PTX4: variants seen among roughly 807,000 people sequenced by gnomAD.
PTX4 encodes the protein pentraxin-4.
In PTX4, 23 loss-of-function variants were observed where a neutral mutation model predicts 19.1. The ratio of observed to expected loss-of-function variants is 1.20; its 90% CI spans 0.87 to 1.70. PTX4 has a LOEUF of 1.70. Ranked by LOEUF, PTX4 falls within the 40% of genes most tolerant of loss-of-function variation. The pLI is 0.00. For missense variants in PTX4, 678 were observed against 610.5 expected (o/e 1.11, Z -1.17); for synonymous variants, 317 against 279.6 (o/e 1.13, Z -1.33).
intron 1 of PTX4, chr16:1,488,276 C>T (rs2142425369): frequency 1.3e-6 from 2 of 1,579,594 alleles, no homozygotes; most frequent in Non-Finnish European, 1.7e-6. Flanking sequence ...ATTCCAGCTC[C>T]TGCCTGTGAG....
Position 1,486,300 on chromosome 16 carries a change from T to C in PTX4, c.1076A>G (p.Gln359Arg), listed in dbSNP as rs756196608. 3 of 1,613,716 alleles carry C rather than the reference T, an allele frequency of 1.9e-6. No homozygotes were observed. In the South Asian group the frequency reaches 3.3e-5, roughly 18 times the overall value. ...CCAGATGACACAGATGTGGTGCCAC[T>C]GGCCGTCCAGCAGCAGCTGCAAGGG... is the stretch of plus-strand genomic sequence containing the variant. ...ELPLQLLLDG[Q>R]WHHICVIWTS... Residue 359 changes from glutamine (Q) to arginine (R), a missense_variant, in exon 3 of 3, where the codon CAG (glutamine) becomes CGG (arginine). Coordinates refer to ENST00000447419, the MANE Select transcript of PTX4 (RefSeq NM_001328608.2).
Position 1,486,233 on chromosome 16 carries a change from C to T in PTX4, c.1143G>A (p.Arg381=), listed in dbSNP as rs1199515332. The T allele has an allele frequency of 1.2e-6, 2 of 1,612,372 alleles. No individual in the cohort carries two copies. The highest frequency in any genetic ancestry group is 2.2e-5 in the East Asian group (1 of 44,836). ...TGAAGCGGGAGCCGGTGGCCACCAG[C>T]CTGCGATCCACGTGGAGCCAGTACC... ...QGRYWLHVDR[R]LVATGSRFRE... The change falls in exon 3 of 3, where the codon AGG becomes AGA. Residue 381 remains arginine (R), a synonymous_variant. Coordinates refer to ENST00000447419, the MANE Select transcript of PTX4 (RefSeq NM_001328608.2).
Position 1,487,707 on chromosome 16 carries a change from C to G in PTX4, c.405G>C (p.Gln135His). ...TGTGTGCCTTCCTTTCCCGGGCCCG[C>G]TGCTGGCTCCTCTCGCCCAGGGTGA... ...LDLTLGERSQQRARERKAHKA... is the reference protein window; with the variant it reads ...LDLTLGERSQHRARERKAHKA... Residue 135 changes from glutamine to histidine, a missense_variant, in exon 2 of 3, where the codon CAG becomes CAC. By Grantham distance (24) the Gln-to-His change is conservative. Coordinates refer to ENST00000447419, the MANE Select transcript of PTX4 (RefSeq NM_001328608.2). The G allele has an allele frequency of 6.2e-7, 1 of 1,611,690 alleles. No homozygotes were observed. The highest frequency in any genetic ancestry group is 8.5e-7 in the Non-Finnish European group (1 of 1,178,926).
rs150414885 is a variant in PTX4, at chr16:1,488,378, C to A, written c.141+391G>T. On this transcript the variant is annotated intron_variant, in intron 1 of 2. Transcript: ENST00000447419. ...CCGACAGGCCCACAGCACTCCGGAA[C>A]TGTCCGTGGACCCCGCGTGGGAGTC... 3.3e-5 allele frequency: 54 copies of A among 1,613,832 alleles called. No individual in the cohort carries two copies. In the African/African-American group the frequency reaches 4.1e-4, roughly 12 times the overall value.
chr16:1,486,399 A>G lies in PTX4; in HGVS notation c.977T>C (p.Val326Ala), dbSNP rs766903834. Residue 326 changes from valine to alanine, a missense_variant, in exon 3 of 3, where the codon GTG (valine) becomes GCG (alanine). Coordinates refer to ENST00000447419, the MANE Select transcript of PTX4 (RefSeq NM_001328608.2). ...CAGCAGGGAGTCTCGGCCGTGCAGCACCAGCTTGTTGTCATTGTCCTCGGT... is the reference window on the plus strand; with the variant it reads ...CAGCAGGGAGTCTCGGCCGTGCAGCGCCAGCTTGTTGTCATTGTCCTCGGT... ...YATEDNDNKL[V>A]LHGRDSLLPG... 1 of 1,613,990 alleles carries G rather than the reference A, an allele frequency of 6.2e-7. No individual in the cohort carries two copies. The highest frequency in any genetic ancestry group is 1.1e-5 in the South Asian group (1 of 91,080).
Position 1,486,451 on chromosome 16 carries a change from G to A in PTX4, c.925C>T (p.Arg309Cys), listed in dbSNP as rs201571366. The A allele has an allele frequency of 2.3e-4, 375 of 1,613,696 alleles. 2 individuals are homozygous for A. Among genetic ancestry groups the A allele is most frequent in the Admixed American group, 7.8e-4 (47 of 59,976 alleles). The change falls in exon 3 of 3, where the codon CGC becomes TGC. Residue 309 changes from arginine to cysteine, a missense_variant. By Grantham distance (180) the Arg-to-Cys change is radical (BLOSUM62 -3). Transcript: ENST00000447419. ...FCSWVRTASG[R>C]LGTLLSYATE... ...GCGTAGGACAGGAGGGTGCCCAGGC[G>A]GCCGGAGGCCGTGCGGACCCAGCTG... is the stretch of plus-strand genomic sequence containing the variant.
rs779415629 is a variant in PTX4, at chr16:1,487,472, G to A, written c.640C>T (p.Arg214Ter). Residue 214 changes from arginine (R) to a stop codon, truncating the protein, a stop_gained, in exon 2 of 3, where the codon CGA (arginine) becomes TGA (stop). Transcript: ENST00000447419. LOFTEE classifies it high-confidence loss of function. Reference sequence around the variant, plus strand: ...GGGCCCCTGTGCTCAGAGGCAGCTCGGAGCTCCTGCCTGTCCCTCTGAAGC... The same window carrying A: ...GGGCCCCTGTGCTCAGAGGCAGCTCAGAGCTCCTGCCTGTCCCTCTGAAGC... ...LKLQRDRQEL[R>*]AASEHRGPPQ... 14 of 1,508,246 alleles carry A rather than the reference G, an allele frequency of 9.3e-6. No individual in the cohort carries two copies. Among genetic ancestry groups the A allele is most frequent in the Middle Eastern group, 1.9e-4 (1 of 5,186 alleles). The allele number at this position is 1,508,246 out of a possible 1,614,324, so 93.4% of individuals were successfully genotyped here.
At position 1,486,564 on chromosome 16, in the gene PTX4, G is replaced by C; in HGVS notation, c.812C>G (p.Pro271Arg). The change falls in exon 3 of 3, where the codon CCC (proline) becomes CGC (arginine). Residue 271 changes from proline (P) to arginine (R), a missense_variant. Coordinates refer to ENST00000447419, the MANE Select transcript of PTX4 (RefSeq NM_001328608.2). ...GGAGGCGTTTGGGAAAACGAGGGTG[G>C]GGCCCACGCCGCAAACTAGAAACAG... ...QVPGEICGVG[P>R]TLVFPNASTR... 1 of 1,550,182 alleles carries C rather than the reference G, an allele frequency of 6.5e-7. No individual in the cohort carries two copies. The highest frequency in any genetic ancestry group is 8.7e-7 in the Non-Finnish European group (1 of 1,150,270).
In PTX4 at chr16:1,486,062, T is replaced by A. The variant is rs2039240278; in HGVS notation, c.1314A>T (p.Glu438Asp). 6.2e-7 allele frequency: 1 copy of A among 1,614,088 alleles called. No homozygotes were observed. The highest frequency in any genetic ancestry group is 1.1e-5 in the South Asian group (1 of 91,094). ...CTTTCCCGATGGCAAGGTTTGCAAC[T>A]TCCCCGGGAACCAGCGCCCGATCCC... ...AIWDRALVPGEVANLAIGKEF... is the reference protein window; with the variant it reads ...AIWDRALVPGDVANLAIGKEF... Residue 438 changes from glutamate (E) to aspartate (D), a missense_variant, in exon 3 of 3, where the codon GAA (glutamate) becomes GAT (aspartate). Transcript: ENST00000447419.
At position 1,487,890 on chromosome 16, in the gene PTX4, G is replaced by A; in HGVS notation, c.222C>T (p.Val74=). ...TCTCTTCCGCCAGGCTCCGGAACCG[G>A]ACGTCAACGTTGTAGGACACGTTGT... is the stretch of plus-strand genomic sequence containing the variant. The part of the protein sequence containing the change: ...SNYNVSYNVD[V]RFRSLAEESQ... The change falls in exon 2 of 3, where the codon GTC becomes GTT. Residue 74 remains valine, a synonymous_variant. Coordinates refer to ENST00000447419, the MANE Select transcript of PTX4 (RefSeq NM_001328608.2). 1.2e-6 allele frequency: 2 copies of A among 1,612,874 alleles called. No homozygotes were observed. The highest frequency in any genetic ancestry group is 1.7e-6 in the Non-Finnish European group (2 of 1,179,864).
At position 1,487,632 on chromosome 16, in the gene PTX4, G is replaced by A. The variant is rs766165220; in HGVS notation, c.480C>T (p.Leu160=). The A allele has an allele frequency of 3.2e-6, 5 of 1,579,510 alleles. No individual in the cohort carries two copies. Among genetic ancestry groups the A allele is most frequent in the African/African-American group, 1.3e-5 (1 of 74,316 alleles). Residue 160 remains leucine, a synonymous_variant, in exon 2 of 3, where the codon CTC becomes CTT. Coordinates refer to ENST00000447419, the MANE Select transcript of PTX4 (RefSeq NM_001328608.2). ...LQDSLARLEG[L]VHSQGARLAA... The stretch of plus-strand genomic sequence containing the variant: ...CCAGCCTGGCGCCCTGGCTGTGGAC[G>A]AGGCCCTCCAGGCGTGCCAGTGAGT...
chr16:1,488,095 A>G, intron 1 of PTX4, 125 bp from the exon 2 acceptor site: 1 of 1,098,650 alleles, frequency 9.1e-7, no homozygotes, highest in South Asian at 1.5e-5. Context: ...AGCACTGGCT[A>G]TCTGCCCACC....
In PTX4 at chr16:1,488,865, A is replaced by T. The variant is rs1303235603; in HGVS notation, c.45T>A (p.Phe15Leu). ...WRKTLSFFLV[F>L]VPIYLHGASS... ...AAGCCCCATGTAGATATATAGGCAC[A>T]AAAACAAGGAAGAAAGACAAGGTCT... Residue 15 changes from phenylalanine to leucine, a missense_variant, in exon 1 of 3, where the codon TTT becomes TTA. Coordinates refer to ENST00000447419, the MANE Select transcript of PTX4 (RefSeq NM_001328608.2). 4.3e-6 allele frequency: 3 copies of T among 701,788 alleles called. No individual in the cohort carries two copies. The East Asian group carries it at 8.1e-5, about 19-fold the overall frequency. 43.5% of individuals were successfully genotyped at this position (701,788 alleles called of 1,614,324 possible). A position where few individuals can be genotyped will look rare whatever the true frequency, so the allele number is the denominator to read the frequency against.
chr16:1,485,980 C>A lies in PTX4; in HGVS notation c.1396G>T (p.Val466Leu). Residue 466 changes from valine (V) to leucine (L), a missense_variant, in exon 3 of 3, where the codon GTG becomes TTG. Coordinates refer to ENST00000447419, the MANE Select transcript of PTX4 (RefSeq NM_001328608.2). ...AGGCAGGTGCAGTTGGCCCCCTGCA[C>A]AAATCCGCCTGCTAGTGCAGCATTG... Reference protein sequence around the residue: ...LANAALAGGFVQGANCTCLER... With the variant: ...LANAALAGGFLQGANCTCLER... 2 of 1,611,922 alleles carry A rather than the reference C, an allele frequency of 1.2e-6. No individual in the cohort carries two copies. The highest frequency in any genetic ancestry group is 1.1e-5 in the South Asian group (1 of 91,078).
Position 1,486,519 on chromosome 16 carries a change from A to T in PTX4, c.857T>A (p.Leu286His), listed in dbSNP as rs1469084364. Reference protein sequence around the residue: ...PNASTRNVVFLSPGFVTALRA... With the variant: ...PNASTRNVVFHSPGFVTALRA... ...CAGGGCAGTGACGAAACCAGGGCTG[A>T]GGAAGACCACGTTCCTGGTGGAGGC... The change falls in exon 3 of 3, where the codon CTC becomes CAC. Residue 286 changes from leucine to histidine, a missense_variant. Transcript: ENST00000447419. The T allele has an allele frequency of 2.5e-6, 4 of 1,592,072 alleles. No individual in the cohort carries two copies. The South Asian group carries it at 4.5e-5, about 18-fold the overall frequency.
At chr16:1,488,422 G>A (rs1255432195) in intron 1 of PTX4, 3 of 1,613,828 alleles carry the variant, frequency 1.9e-6, no homozygotes, top group Admixed American at 1.7e-5. Flanking sequence ...CGTTCACACC[G>A]ACTGCCACAA....
In PTX4 at chr16:1,486,465, C is replaced by A. The variant is rs61751878; in HGVS notation, c.911G>T (p.Arg304Leu). 1 of 1,613,294 alleles carries A rather than the reference C, an allele frequency of 6.2e-7. No individual in the cohort carries two copies. Among genetic ancestry groups the A allele is most frequent in the Non-Finnish European group, 8.5e-7 (1 of 1,179,680 alleles). ...GGTGCCCAGGCGGCCGGAGGCCGTG[C>A]GGACCCAGCTGCAGAAGGACAGGGC... ...LRALSFCSWV[R>L]TASGRLGTLL... is the part of the protein sequence containing the mutation. Residue 304 changes from arginine to leucine, a missense_variant, in exon 3 of 3, where the codon CGC (arginine) becomes CTC (leucine). Physicochemically the swap from Arg to Leu is moderately radical, Grantham distance 102. Coordinates refer to ENST00000447419, the MANE Select transcript of PTX4 (RefSeq NM_001328608.2).
Position 1,487,773 on chromosome 16 carries a change from G to C in PTX4, c.339C>G (p.Arg113=). Residue 113 remains arginine, a synonymous_variant, in exon 2 of 3, where the codon CGC becomes CGG. Transcript: ENST00000447419. ...QLKAWVRKLQ[R]RGRKVDTRLR... is the part of the protein sequence containing the mutation. ...GCCGCGTGTCTACTTTCCGGCCTCG[G>C]CGCTGCAGCTTCCTCACCCAGGCCT... 6.2e-7 allele frequency: 1 copy of C among 1,612,836 alleles called. No individual in the cohort carries two copies. The highest frequency in any genetic ancestry group is 1.1e-5 in the South Asian group (1 of 91,060).
chr16:1,488,158 C>T (rs902774783), intron 1 of PTX4, among the ~76,000 whole-genome samples, 188 bp from the exon 2 acceptor site: 21 of 152,200 alleles, frequency 1.4e-4, no homozygotes, highest in African/African-American at 5.1e-4. Flanking sequence ...AGGGACTGAC[C>T]CCAGGCCATG....
Sources: allele counts gnomAD v4.1 joint callset (sites outside exome capture counted in the v4.1 genomes callset), GRCh38; gene constraint gnomAD v4.1.1; transcripts MANE v1.5; gene names NCBI Gene and HGNC (gene_info 2026-07-23, HGNC 2026-07-21).